TENM2: variants seen among roughly 807,000 people sequenced by gnomAD.
The protein encoded by TENM2 is teneurin transmembrane protein 2.
TENM2 carries 52 observed loss-of-function variants against 245.2 expected under a neutral mutation model. The observed-to-expected ratio is 0.21, with a 90% confidence interval of 0.17 to 0.27. The LOEUF is 0.27. TENM2 is among the 10% of genes least tolerant of loss of function. The pLI, the probability that TENM2 is intolerant of heterozygous loss-of-function variation, is 1.00. For missense variants in TENM2, 3,046 were observed against 3,666.8 expected (o/e 0.83, Z 4.37); for synonymous variants, 1,363 against 1,438.9 (o/e 0.95, Z 1.19).
chr5:167,766,880 A>AAAAAAC (rs551992747), intron 2 of TENM2, among the ~76,000 whole-genome samples: 7 of 152,264 alleles, frequency 4.6e-5, no homozygotes, highest in African/African-American at 1.4e-4. Flanking sequence ...CTCCATCTCA[A>AAAAAAC]AAAAACAAAA....
At chr5:167,981,980 AAAAAAAAAAAAAAAAG>A (rs560792322) in intron 4 of TENM2, among the ~76,000 whole-genome samples, 1 of 71,794 alleles carries the variant, frequency 1.4e-5, no homozygotes, top group Non-Finnish European at 2.9e-5. Context: ...GTTTCAGACC[AAAAAAAAAAAAAAAAG>A]AAAAAAGAAA....
chr5:168,050,319 G>T (rs556970566), intron 6 of TENM2, among the ~76,000 whole-genome samples: 1 of 152,282 alleles, frequency 6.6e-6, no homozygotes, highest in East Asian at 1.9e-4. Flanking sequence ...TTTATCAAAA[G>T]TGACCTTGGG....
At chr5:167,932,977 T>C (rs1778402829) in intron 3 of TENM2, among the ~76,000 whole-genome samples, 1 of 152,150 alleles carries the variant, frequency 6.6e-6, no homozygotes, top group Non-Finnish European at 1.5e-5. Flanking sequence ...AGCCCCAGCC[T>C]AAGCAGTGGC....
chr5:167,698,315 G>T (rs1230886164), intron 2 of TENM2, among the ~76,000 whole-genome samples: 1 of 152,042 alleles, frequency 6.6e-6, no homozygotes, highest in African/African-American at 2.4e-5. Flanking sequence ...TTTCAAATGT[G>T]TCTCCACACA....
At chr5:167,179,602 G>A in the TENM2 span, among the ~76,000 whole-genome samples, 1 of 151,948 alleles carries the variant, frequency 6.6e-6, no homozygotes, top group Non-Finnish European at 1.5e-5. Flanking sequence ...CCGGCTCCCC[G>A]CTGAATTTCT....
intron 3 of TENM2, among the ~76,000 whole-genome samples, chr5:167,951,358 C>T (rs1428897996): frequency 6.6e-6 from 1 of 152,136 alleles, no homozygotes; most frequent in Admixed American, 6.5e-5. Flanking sequence ...TGACTGGAAG[C>T]TTCAAAAAAT....
chr5:168,176,739 A>G (rs1274470515), intron 13 of TENM2, among the ~76,000 whole-genome samples: 1 of 152,210 alleles, frequency 6.6e-6, no homozygotes, highest in Non-Finnish European at 1.5e-5. Context: ...GAATTGAATG[A>G]GTAAAAGCTT....
intron 2 of TENM2, among the ~76,000 whole-genome samples, chr5:167,837,613 A>AC (rs1769118845): frequency 6.6e-6 from 1 of 152,186 alleles, no homozygotes; most frequent in Non-Finnish European, 1.5e-5. Flanking sequence ...TGGCATGTTC[A>AC]CCCCACCTCA....
intron 26 of TENM2, among the ~76,000 whole-genome samples, chr5:168,245,966 C>G (rs1053255976): frequency 2.0e-5 from 3 of 151,774 alleles, no homozygotes; most frequent in Admixed American, 6.6e-5. Flanking sequence ...GGCGCAATGG[C>G]TCACACCTGT....
chr5:167,300,074 G>A (rs550061131), intron 1 of TENM2, among the ~76,000 whole-genome samples: 1 of 152,152 alleles, frequency 6.6e-6, no homozygotes, highest in Admixed American at 6.5e-5. Context: ...AAAGGCTATC[G>A]GGTGCGGTCC....
At chr5:167,468,751 T>C (rs1200564082) in intron 2 of TENM2, among the ~76,000 whole-genome samples, 1 of 152,238 alleles carries the variant, frequency 6.6e-6, no homozygotes, top group Non-Finnish European at 1.5e-5. Context: ...AACCTTTATA[T>C]TGAATCATTG....
intron 10 of TENM2, 59 bp from the exon 13 acceptor site, chr5:168,124,791 C>T: frequency 6.7e-7 from 1 of 1,489,456 alleles, no homozygotes; most frequent in Non-Finnish European, 9.0e-7. Flanking sequence ...GTCTCATGGT[C>T]CATCCTCCAT....
intron 2 of TENM2, among the ~76,000 whole-genome samples, chr5:167,654,452 A>G (rs1234908175): frequency 6.6e-6 from 1 of 151,862 alleles, no homozygotes; most frequent in Non-Finnish European, 1.5e-5. Flanking sequence ...TGCTTTATCT[A>G]TTTCTGATCC....
intron 2 of TENM2, among the ~76,000 whole-genome samples, chr5:167,844,380 C>T (rs572090537): frequency 2.6e-5 from 4 of 152,352 alleles, no homozygotes; most frequent in South Asian, 4.1e-4. Flanking sequence ...TAGAGTAAGA[C>T]AAATTGGCCA....
At chr5:168,090,628 C>A in exon 8 of TENM2, 1 of 1,613,208 alleles carries the variant, frequency 6.2e-7, no homozygotes, top group Non-Finnish European at 8.5e-7. Context: ...GGTTGAGTCT[C>A]CCAGGGAACG....
At chr5:167,823,048 G>A (rs946491082) in intron 2 of TENM2, among the ~76,000 whole-genome samples, 1 of 152,194 alleles carries the variant, frequency 6.6e-6, no homozygotes, top group African/African-American at 2.4e-5. Context: ...GTTGTTACCA[G>A]TGTGAGAGAG....
intron 25 of TENM2, among the ~76,000 whole-genome samples, chr5:168,228,338 C>T (rs1764441326): frequency 6.6e-6 from 1 of 152,246 alleles, no homozygotes; most frequent in Non-Finnish European, 1.5e-5. Flanking sequence ...TAGAATCCAT[C>T]TCCCTTTGGG....
exon 29 of TENM2, chr5:168,262,233 C>T (rs374910592): frequency 1.3e-5 from 21 of 1,604,794 alleles, no homozygotes; most frequent in East Asian, 2.2e-5. Context: ...CGGGTGACCA[C>T]GGGCGTGTCC....
chr5:167,580,777 G>A (rs1775034343), intron 2 of TENM2, among the ~76,000 whole-genome samples: 1 of 152,190 alleles, frequency 6.6e-6, no homozygotes, highest in Non-Finnish European at 1.5e-5. Flanking sequence ...ATTGCTTGAG[G>A]CCAGGAATTG....
Sources: allele counts gnomAD v4.1 joint callset (sites outside exome capture counted in the v4.1 genomes callset), GRCh38; gene constraint gnomAD v4.1.1; transcripts MANE v1.5; gene names NCBI Gene and HGNC (gene_info 2026-07-23, HGNC 2026-07-21).